ASTN2: variants seen among roughly 807,000 people sequenced by gnomAD.
The protein encoded by ASTN2 is astrotactin-2.
In ASTN2, 54 loss-of-function variants were observed where a neutral mutation model predicts 139.8. The observed-to-expected ratio is 0.39, with a 90% confidence interval of 0.31 to 0.48. The LOEUF (loss-of-function observed/expected upper bound fraction) is 0.48, where lower values mean the gene tolerates loss of function less well. Ranked by LOEUF, ASTN2 falls within the 20% of genes least tolerant of loss-of-function variation. The pLI is 0.95. For missense variants in ASTN2, 1,565 were observed against 1,725.1 expected, an observed-to-expected ratio of 0.91 and a Z score of 1.64; for synonymous variants, 756 against 719.5, an observed-to-expected ratio of 1.05 and a Z score of -0.81.
intron 19 of ASTN2, among the ~76,000 whole-genome samples, chr9:116,496,065 C>G (rs1466481315): frequency 1.4e-4 from 22 of 152,204 alleles, no homozygotes. Flanking sequence ...TCAAATGTCA[C>G]TTGCTCAGAA....
chr9:117,063,560 T>C (rs1217650762), intron 5 of ASTN2, among the ~76,000 whole-genome samples: 1 of 152,140 alleles, frequency 6.6e-6, no homozygotes, highest in Non-Finnish European at 1.5e-5. Context: ...GAACTGTAAG[T>C]CCAATTAAAC....
In ASTN2 at chr9:116,502,114, A is replaced by T. The variant is rs190993681; in HGVS notation, c.3356-14614T>A. 7.2e-5 allele frequency among the ~76,000 whole-genome samples: 11 copies of T among 151,956 alleles called. No homozygotes were observed. In the East Asian group the frequency reaches 2.1e-3, roughly 30 times the overall value. The stretch of plus-strand genomic sequence containing the variant: ...CATTGAGAAGGAGGTGGGACCTGGG[A>T]GGTGGCAGAGAGAGGTAGATTTCCA... On this transcript the variant is annotated intron_variant, in intron 19 of 22. Transcript: ENST00000313400.
chr9:117,008,061 T>A (rs373598357), intron 7 of ASTN2, 31 bp downstream of exon 7: 8 of 1,548,596 alleles, frequency 5.2e-6, no homozygotes, highest in African/African-American at 1.4e-5. Flanking sequence ...CTCTCCCACC[T>A]TCTATCCCCA....
At chr9:117,103,732 C>T (rs934444340) in intron 4 of ASTN2, among the ~76,000 whole-genome samples, 4 of 152,072 alleles carry the variant, frequency 2.6e-5, no homozygotes, top group African/African-American at 9.7e-5. Flanking sequence ...TTTAGATTAC[C>T]CAGAACTGTG....
intron 10 of ASTN2, among the ~76,000 whole-genome samples, chr9:116,967,408 T>A (rs1425667767): frequency 6.6e-6 from 1 of 152,196 alleles, no homozygotes; most frequent in Admixed American, 6.5e-5. Flanking sequence ...GTAAGTGGGT[T>A]CCCTATTGAA....
intron 5 of ASTN2, among the ~76,000 whole-genome samples, chr9:117,060,533 G>GGAAGGAAA (rs1839254683): frequency 1.7e-5 from 2 of 118,800 alleles, no homozygotes; most frequent in South Asian, 3.1e-4. Context: ...AAGGAAGGAA[G>GGAAGGAAA]GAAAGAAAGA....
chr9:117,098,164 C>T (rs913194691), intron 4 of ASTN2, among the ~76,000 whole-genome samples: 8 of 152,148 alleles, frequency 5.3e-5, no homozygotes, highest in Non-Finnish European at 8.8e-5. Context: ...CCTGAAAGAG[C>T]AGATCATCCT....
chr9:117,338,648 C>T (rs1343771402), intron 1 of ASTN2, among the ~76,000 whole-genome samples: 3 of 152,150 alleles, frequency 2.0e-5, no homozygotes, highest in Non-Finnish European at 4.4e-5. Context: ...CTCCACCCTA[C>T]TGGCACTAAT....
chr9:117,341,402 C>T (rs1193644834), intron 1 of ASTN2, among the ~76,000 whole-genome samples: 3 of 152,030 alleles, frequency 2.0e-5, no homozygotes, highest in Admixed American at 2.0e-4. Flanking sequence ...AGCCTCTAAG[C>T]TAGGGGCAGA....
chr9:117,008,682 A>G (rs1460460301), intron 6 of ASTN2, among the ~76,000 whole-genome samples: 1 of 152,194 alleles, frequency 6.6e-6, no homozygotes, highest in African/African-American at 2.4e-5. Flanking sequence ...GACTTATTAT[A>G]GGAAATAATG....
intron 2 of ASTN2, among the ~76,000 whole-genome samples, chr9:117,263,706 T>G (rs780575760): frequency 1.4e-4 from 22 of 152,192 alleles, no homozygotes; most frequent in African/African-American, 5.1e-4. Flanking sequence ...AGAATTGTGG[T>G]AATATGGTTT....
intron 19 of ASTN2, among the ~76,000 whole-genome samples, chr9:116,533,575 T>TA (rs1851466582): frequency 6.6e-6 from 1 of 152,226 alleles, no homozygotes; most frequent in Non-Finnish European, 1.5e-5. Context: ...CATGAAGCGC[T>TA]GTTGAATTTT....
intron 16 of ASTN2, chr9:116,701,028 CA>C (rs1457408639): frequency 6.0e-6 from 1 of 167,154 alleles, no homozygotes; most frequent in Non-Finnish European, 1.5e-5. Flanking sequence ...TTACAGTTCA[CA>C]AAAAGGAAGT....
chr9:117,260,259 A>T (rs1350158221), intron 2 of ASTN2, among the ~76,000 whole-genome samples: 5 of 152,190 alleles, frequency 3.3e-5, no homozygotes, highest in Admixed American at 3.3e-4. Flanking sequence ...CTGGACTTTG[A>T]GTTCCTTTGA....
At chr9:117,185,705 T>G (rs1831179114) in intron 3 of ASTN2, among the ~76,000 whole-genome samples, 1 of 152,046 alleles carries the variant, frequency 6.6e-6, no homozygotes, top group Admixed American at 6.6e-5. Context: ...GCAGAGCATG[T>G]CTCACAAGGA....
At chr9:117,103,828 A>C (rs1416041398) in intron 4 of ASTN2, among the ~76,000 whole-genome samples, 1 of 152,208 alleles carries the variant, frequency 6.6e-6, no homozygotes, top group Non-Finnish European at 1.5e-5. Context: ...CCAGTCATAG[A>C]AAAAGGACAG....
At chr9:116,667,871 C>T (rs1270078813) in intron 16 of ASTN2, among the ~76,000 whole-genome samples, 1 of 145,426 alleles carries the variant, frequency 6.9e-6, no homozygotes, top group Non-Finnish European at 1.5e-5. Flanking sequence ...ACATCCCCAA[C>T]AGAGTGGTAC....
At chr9:116,608,201 T>C (rs867713893) in intron 19 of ASTN2, among the ~76,000 whole-genome samples, 1 of 152,078 alleles carries the variant, frequency 6.6e-6, no homozygotes, top group African/African-American at 2.4e-5. Flanking sequence ...GATAGAGTAA[T>C]GGAGAGGAGA....
chr9:117,014,480 C>A (rs758088743), intron 6 of ASTN2, among the ~76,000 whole-genome samples: 15 of 152,182 alleles, frequency 9.9e-5, no homozygotes, highest in Admixed American at 9.2e-4. Context: ...AGTCCTCCTC[C>A]GGTTATCTCT....
Sources: gnomAD v4.1 joint callset for allele counts (sites outside exome capture counted in the v4.1 genomes callset) on GRCh38, gnomAD v4.1.1 for gene constraint, MANE v1.5 for transcripts, NCBI Gene and HGNC (gene_info 2026-07-23, HGNC 2026-07-21) for gene names.